LUZP2: variants seen among roughly 807,000 people sequenced by gnomAD.
LUZP2 encodes the protein leucine zipper protein 2.
Under a neutral mutation model 51.6 loss-of-function variants are expected in LUZP2, and 52 were observed. The ratio of observed to expected loss-of-function variants is 1.01; its 90% CI spans 0.81 to 1.27. The LOEUF is 1.27. Among genes scored for constraint, LUZP2 ranks in the 50% most tolerant of loss-of-function variants. LUZP2 has a pLI of 0.00. For missense variants in LUZP2, 436 were observed against 395.4 expected, an observed-to-expected ratio of 1.10 and a Z score of -0.87; for synonymous variants, 154 against 137.3, an observed-to-expected ratio of 1.12 and a Z score of -0.85.
chr11:24,911,950 C>T (rs1214059797), intron 6 of LUZP2, among the ~76,000 whole-genome samples: 2 of 151,936 alleles, frequency 1.3e-5, no homozygotes, highest in East Asian at 3.9e-4. Flanking sequence ...CTTCAGTATC[C>T]ATATCAAAAG....
chr11:24,682,220 T>G (rs1300714031), intron 1 of LUZP2, among the ~76,000 whole-genome samples: 4 of 151,960 alleles, frequency 2.6e-5, no homozygotes, highest in Non-Finnish European at 4.4e-5. Context: ...CAAGGCTGGG[T>G]GCCATGGCTC....
intron 9 of LUZP2, among the ~76,000 whole-genome samples, chr11:25,031,008 TATATATA>T (rs1430381704): frequency 0.11 from 559 of 5,032 alleles, 124 homozygotes; most frequent in Non-Finnish European, 0.14. Context: ...TATATATATA[TATATATA>T]TTTTTTTTTT....
chr11:24,926,909 T>A (rs1854293558), intron 7 of LUZP2, among the ~76,000 whole-genome samples: 1 of 151,816 alleles, frequency 6.6e-6, no homozygotes. Flanking sequence ...AACTATTTTT[T>A]TTTTATTTTT....
intron 9 of LUZP2, among the ~76,000 whole-genome samples, chr11:24,989,528 C>G (rs1856275622): frequency 1.3e-5 from 2 of 152,068 alleles, no homozygotes; most frequent in South Asian, 4.1e-4. Flanking sequence ...GATATCAATT[C>G]AAAGGTGTAG....
chr11:24,754,186 G>C (rs1184326410), intron 4 of LUZP2, among the ~76,000 whole-genome samples: 1 of 152,084 alleles, frequency 6.6e-6, no homozygotes, highest in African/African-American at 2.4e-5. Context: ...TTGTAGAGAT[G>C]AGGTTTCACT....
Position 24,764,490 on chromosome 11 carries a change from T to TAAAAAAAAA in LUZP2, c.396+1200_396+1208dup, listed in dbSNP as rs869045272. 1.2e-4 allele frequency among the ~76,000 whole-genome samples: 11 copies of TAAAAAAAAA among 94,024 alleles called. 1 individual carries two copies. The highest frequency in any genetic ancestry group is 1.5e-4 in the African/African-American group (4 of 26,748). The allele number at this position is 94,024 out of a possible 152,430, so 61.7% of individuals were successfully genotyped here. Reference sequence around the variant, plus strand: ...GGACAACATGGTAAAATCTCATCTCTAAAAAAAAAAAAAAAAAAAAAAAAA... The same window carrying TAAAAAAAAA: ...GGACAACATGGTAAAATCTCATCTCTAAAAAAAAAAAAAAAAAAAAAAAAAAAAAAAAAA... On this transcript the variant is annotated intron_variant, in intron 5 of 11. Transcript: ENST00000336930.
intron 9 of LUZP2, among the ~76,000 whole-genome samples, chr11:25,031,401 G>A (rs1250950383): frequency 6.6e-6 from 1 of 151,954 alleles, no homozygotes; most frequent in Non-Finnish European, 1.5e-5. Context: ...TTTCTCAATT[G>A]CTTATGTGTT....
chr11:24,761,013 A>G (rs1435379050), intron 4 of LUZP2, among the ~76,000 whole-genome samples: 3 of 152,220 alleles, frequency 2.0e-5, no homozygotes, highest in Non-Finnish European at 4.4e-5. Context: ...CTCCCAAGGA[A>G]AATCCAATAG....
chr11:24,656,891 A>G (rs769519092), intron 1 of LUZP2, among the ~76,000 whole-genome samples: 10 of 152,204 alleles, frequency 6.6e-5, no homozygotes, highest in Non-Finnish European at 1.2e-4. Flanking sequence ...GCTCACCTGG[A>G]TAATTCAGGG....
At chr11:24,931,249 TAAAATAAAATAAAATAAAATAAAAA>T (rs940471748) in intron 7 of LUZP2, among the ~76,000 whole-genome samples, 3 of 149,568 alleles carry the variant, frequency 2.0e-5, no homozygotes, top group Non-Finnish European at 3.0e-5. Flanking sequence ...TAAAATAAAA[TAAAATAAAATAAAATAAAATAAAAA>T]GTTCTTTTTT....
intron 5 of LUZP2, among the ~76,000 whole-genome samples, chr11:24,769,967 T>C (rs1045166643): frequency 1.3e-5 from 2 of 152,212 alleles, no homozygotes; most frequent in South Asian, 4.1e-4. Flanking sequence ...TAAATTTTTG[T>C]ATTTTCAGTA....
intron 5 of LUZP2, among the ~76,000 whole-genome samples, chr11:24,871,711 G>C (rs2134268722): frequency 6.6e-6 from 1 of 151,906 alleles, no homozygotes; most frequent in East Asian, 1.9e-4. Flanking sequence ...CATAGAGCCA[G>C]TATTCCCTAT....
intron 1 of LUZP2, among the ~76,000 whole-genome samples, chr11:24,667,515 C>G (rs1336803502): frequency 6.6e-6 from 1 of 152,048 alleles, no homozygotes; most frequent in Non-Finnish European, 1.5e-5. Context: ...TTTAAATATG[C>G]AATTTAAATG....
chr11:24,919,854 G>A (rs1008147663), intron 7 of LUZP2, among the ~76,000 whole-genome samples: 3 of 151,070 alleles, frequency 2.0e-5, no homozygotes, highest in African/African-American at 7.3e-5. Context: ...TCTCCCATCA[G>A]TACAATAATA....
chr11:24,892,495 C>A (rs1484239273), intron 5 of LUZP2: 3 of 683,938 alleles, frequency 4.4e-6, no homozygotes, highest in Non-Finnish European at 3.6e-6. Context: ...GCCTATTTCT[C>A]TTCAATAAAG....
chr11:24,511,070 C>T (rs950664570), intron 1 of LUZP2, among the ~76,000 whole-genome samples: 1 of 152,146 alleles, frequency 6.6e-6, no homozygotes. Context: ...GAGCCTGGGA[C>T]TTGTAGCCTT....
intron 1 of LUZP2, among the ~76,000 whole-genome samples, chr11:24,663,747 A>G (rs2133987205): frequency 6.6e-6 from 1 of 152,268 alleles, no homozygotes; most frequent in Admixed American, 6.5e-5. Context: ...TAATTGAATC[A>G]TGGGGGCAGT....
At chr11:25,064,103 A>G (rs928003483) in intron 10 of LUZP2, among the ~76,000 whole-genome samples, 3 of 151,978 alleles carry the variant, frequency 2.0e-5, no homozygotes, top group Non-Finnish European at 2.9e-5. Context: ...TTTACAAAGC[A>G]CATATTCTTT....
At chr11:24,602,720 G>T (rs78800649) in intron 1 of LUZP2, among the ~76,000 whole-genome samples, 3 of 151,150 alleles carry the variant, frequency 2.0e-5, no homozygotes, top group Admixed American at 6.6e-5. Flanking sequence ...TATTGAAAAC[G>T]CCAAACTGAA....
Sources: gnomAD v4.1 joint callset for allele counts (sites outside exome capture counted in the v4.1 genomes callset) on GRCh38, gnomAD v4.1.1 for gene constraint, MANE v1.5 for transcripts, NCBI Gene and HGNC (gene_info 2026-07-23, HGNC 2026-07-21) for gene names.